The following ERC2 variants were observed in gnomAD, a reference collection of about 807,000 sequenced individuals.
ERC2 encodes the protein ELKS/RAB6-interacting/CAST family member 2.
In ERC2, 42 loss-of-function variants were observed where a neutral mutation model predicts 114.8. That is an observed-to-expected ratio of 0.37 (90% CI 0.29 to 0.47). The LOEUF (loss-of-function observed/expected upper bound fraction) is 0.47. Ranked by LOEUF, ERC2 falls within the 20% of genes least tolerant of loss-of-function variation. The probability of loss-of-function intolerance (pLI) is 0.99; values close to 1 mark genes in which losing one functional copy is unlikely to be tolerated. For missense variants in ERC2, 939 were observed against 1,150.7 expected (o/e 0.82, Z 2.66); for synonymous variants, 454 against 425.5 (o/e 1.07, Z -0.82).
At chr3:55,739,872 G>C (rs201920970) in intron 14 of ERC2, among the ~76,000 whole-genome samples, 18 of 152,054 alleles carry the variant, frequency 1.2e-4, no homozygotes, top group East Asian at 9.6e-4. Flanking sequence ...TTTTCTTCTA[G>C]AGTTTTTATG....
intron 3 of ERC2, among the ~76,000 whole-genome samples, chr3:56,292,608 A>T (rs544135937): frequency 6.6e-6 from 1 of 152,106 alleles, no homozygotes; most frequent in East Asian, 1.9e-4. Flanking sequence ...CCCCGCAAAA[A>T]AAAGAAAAGA....
At chr3:56,359,029 G>A (rs551760200) in intron 2 of ERC2, among the ~76,000 whole-genome samples, 148 of 152,294 alleles carry the variant, frequency 9.7e-4, no homozygotes, top group African/African-American at 3.3e-3. Context: ...GACACTTAAG[G>A]GGCTAACTCA....
In ERC2 at chr3:56,080,958, T is replaced by C; in HGVS notation, c.1500A>G (p.Glu500=). The C allele has an allele frequency of 6.2e-7, 1 of 1,613,322 alleles. No individual in the cohort carries two copies. ...TTTTATTGAGGAAAGATTCTTTTTC[T>C]TCCAGTCGTAATCTCAGCGCATCTA... The part of the protein sequence containing the change: ...TEVDALRLRL[E]EKESFLNKKT... The change falls in exon 7 of 18, where the codon GAA becomes GAG. Residue 500 remains glutamate (E), a synonymous_variant. Coordinates refer to ENST00000288221, the MANE Select transcript of ERC2 (RefSeq NM_015576.3).
chr3:56,105,730 C>T (rs2149815000), intron 6 of ERC2, among the ~76,000 whole-genome samples: 1 of 152,288 alleles, frequency 6.6e-6, no homozygotes, highest in Admixed American at 6.5e-5. Context: ...CTGCCACAAT[C>T]CAGATAAGAA....
chr3:55,675,648 A>G (rs1052757447), intron 17 of ERC2, among the ~76,000 whole-genome samples: 1 of 152,144 alleles, frequency 6.6e-6, no homozygotes, highest in Admixed American at 6.5e-5. Context: ...TTGGCCACCA[A>G]TTGGATGGCT....
chr3:55,629,317 G>T (rs1429452490), intron 17 of ERC2, among the ~76,000 whole-genome samples: 1 of 152,184 alleles, frequency 6.6e-6, no homozygotes, highest in Non-Finnish European at 1.5e-5. Context: ...GGCTTAAGCT[G>T]CTTCTGCTTT....
chr3:55,919,515 C>T (rs942897791), intron 13 of ERC2, among the ~76,000 whole-genome samples: 1 of 152,144 alleles, frequency 6.6e-6, no homozygotes, highest in Non-Finnish European at 1.5e-5. Context: ...CAGTGATACA[C>T]ATTTATTCAA....
intron 2 of ERC2, among the ~76,000 whole-genome samples, chr3:56,370,806 C>T (rs1208775505): frequency 1.3e-5 from 2 of 152,086 alleles, no homozygotes; most frequent in East Asian, 1.9e-4. Context: ...TGTTGGCAGG[C>T]TGGTCTCAAA....
At chr3:55,765,463 C>A (rs1440595932) in intron 14 of ERC2, among the ~76,000 whole-genome samples, 2 of 152,224 alleles carry the variant, frequency 1.3e-5, no homozygotes, top group African/African-American at 4.8e-5. Flanking sequence ...AGCAATCAAT[C>A]TTTCCCAGGG....
At chr3:55,912,138 G>A (rs761964016) in intron 13 of ERC2, among the ~76,000 whole-genome samples, 43 of 152,270 alleles carry the variant, frequency 2.8e-4, no homozygotes, top group Non-Finnish European at 5.7e-4. Context: ...ATAAATATTG[G>A]CTTAAACTAG....
chr3:56,311,275 A>AT (rs2056556291), intron 2 of ERC2, among the ~76,000 whole-genome samples: 1 of 121,718 alleles, frequency 8.2e-6, no homozygotes, highest in South Asian at 2.5e-4. Flanking sequence ...ATATATATAT[A>AT]TATATATATA....
At chr3:55,624,264 G>A (rs1038472423) in intron 17 of ERC2, among the ~76,000 whole-genome samples, 1 of 152,204 alleles carries the variant, frequency 6.6e-6, no homozygotes, top group African/African-American at 2.4e-5. Context: ...TCTGGGAATG[G>A]TGGAAAATTC....
chr3:55,754,857 A>G (rs1351856186), intron 14 of ERC2, among the ~76,000 whole-genome samples: 1 of 152,080 alleles, frequency 6.6e-6, no homozygotes, highest in Non-Finnish European at 1.5e-5. Context: ...AAAAAAGCTA[A>G]AGTATCTATA....
intron 3 of ERC2, among the ~76,000 whole-genome samples, chr3:56,239,075 T>A (rs2051149393): frequency 6.6e-6 from 1 of 152,142 alleles, no homozygotes; most frequent in Admixed American, 6.5e-5. Flanking sequence ...CCATGTGGCA[T>A]AAGAATCACA....
intron 17 of ERC2, among the ~76,000 whole-genome samples, chr3:55,549,288 A>C (rs2054978783): frequency 6.6e-6 from 1 of 152,016 alleles, no homozygotes; most frequent in East Asian, 1.9e-4. Context: ...CTCCTGCAAA[A>C]AAAAAGGCCT....
At chr3:56,433,010 C>T (rs2061857936) in intron 2 of ERC2, among the ~76,000 whole-genome samples, 1 of 150,420 alleles carries the variant, frequency 6.6e-6, no homozygotes, top group African/African-American at 2.4e-5. Flanking sequence ...CTTGTCTCTA[C>T]AAAAAAAAAT....
At chr3:55,743,847 A>G (rs905805230) in intron 14 of ERC2, among the ~76,000 whole-genome samples, 1 of 152,128 alleles carries the variant, frequency 6.6e-6, no homozygotes, top group Admixed American at 6.6e-5. Context: ...CAAGTTCCTC[A>G]TAAATAACCT....
intron 16 of ERC2, among the ~76,000 whole-genome samples, chr3:55,694,437 G>A (rs920203935): frequency 2.6e-5 from 4 of 152,160 alleles, no homozygotes; most frequent in African/African-American, 9.7e-5. Context: ...AAATTTTTCT[G>A]TAACTGATCA....
intron 3 of ERC2, among the ~76,000 whole-genome samples, chr3:56,268,358 C>T (rs371777569): frequency 2.8e-4 from 43 of 152,200 alleles, no homozygotes; most frequent in African/African-American, 9.2e-4. Context: ...TTGCCTAAAA[C>T]GCATTTCTTA....
Sources: allele counts gnomAD v4.1 joint callset (sites outside exome capture counted in the v4.1 genomes callset), GRCh38; gene constraint gnomAD v4.1.1; transcripts MANE v1.5; gene names NCBI Gene and HGNC (gene_info 2026-07-23, HGNC 2026-07-21).